RBFOX1: variants seen among roughly 807,000 people sequenced by gnomAD.
The protein encoded by RBFOX1 is RNA binding fox-1 homolog 1, also known as RNA binding protein fox-1 homolog 1.
Under a neutral mutation model 57.7 loss-of-function variants are expected in RBFOX1, and 8 were observed. The ratio of observed to expected loss-of-function variants is 0.14; its 90% CI spans 0.08 to 0.25. The LOEUF (loss-of-function observed/expected upper bound fraction) is 0.25, where lower values mean the gene tolerates loss of function less well. Ranked by LOEUF, RBFOX1 falls within the 10% of genes least tolerant of loss-of-function variation. RBFOX1 has a pLI of 1.00. For synonymous variants in RBFOX1, 326 were observed against 222.4 expected (o/e 1.47, Z -4.15); for missense variants, 611 against 548.5 (o/e 1.11, Z -1.14).
At chr16:6,970,525 T>A (rs950761834) in intron 3 of RBFOX1, among the ~76,000 whole-genome samples, 1 of 152,112 alleles carries the variant, frequency 6.6e-6, no homozygotes, top group Non-Finnish European at 1.5e-5. Context: ...ATCAGTAGAT[T>A]CAGTGTCCGG....
intron 1 of RBFOX1, among the ~76,000 whole-genome samples, chr16:6,225,274 G>C (rs941238119): frequency 6.6e-6 from 1 of 152,032 alleles, no homozygotes; most frequent in Non-Finnish European, 1.5e-5. Context: ...TGAAAGCTTG[G>C]TATCAAAAGC....
chr16:7,576,467 A>G (rs1256137022), intron 5 of RBFOX1, among the ~76,000 whole-genome samples: 8 of 152,078 alleles, frequency 5.3e-5, no homozygotes, highest in African/African-American at 7.2e-5. Flanking sequence ...TACACCCACA[A>G]TGACCTGAAA....
At chr16:6,022,002 A>G (rs2095089369) in intron 1 of RBFOX1, among the ~76,000 whole-genome samples, 1 of 152,158 alleles carries the variant, frequency 6.6e-6, no homozygotes, top group Admixed American at 6.5e-5. Flanking sequence ...GGCTTGCCTT[A>G]TACACACACG....
At chr16:5,395,243 C>T (rs1435777051) in intron 1 of RBFOX1, among the ~76,000 whole-genome samples, 1 of 152,232 alleles carries the variant, frequency 6.6e-6, no homozygotes, top group Non-Finnish European at 1.5e-5. Flanking sequence ...CTAACTCTTC[C>T]TTGAAGGCCA....
intron 7 of RBFOX1, among the ~76,000 whole-genome samples, chr16:7,589,031 T>C (rs1381003621): frequency 3.9e-5 from 6 of 152,210 alleles, no homozygotes; most frequent in African/African-American, 1.4e-4. Context: ...CGAACTTAAG[T>C]CTCTTCCTGC....
intron 4 of RBFOX1, among the ~76,000 whole-genome samples, chr16:7,079,631 C>T (rs374164754): frequency 2.6e-5 from 4 of 152,000 alleles, no homozygotes; most frequent in African/African-American, 4.8e-5. Context: ...AAGCCTTTTG[C>T]GTTATGATGG....
chr16:5,710,656 G>T lies in RBFOX1; in HGVS notation c.318+111695G>T, dbSNP rs75845995. 0.013 allele frequency among the ~76,000 whole-genome samples: 2,036 copies of T among 152,306 alleles called. 108 individuals carry two copies. The East Asian group carries it at 0.17, about 12-fold the overall frequency. On this transcript the variant is annotated intron_variant, in intron 3 of 19. Transcript: ENST00000641259. ...ATGTTTTAAAGAATTGCGTGCAGTGGAGTGAGTGAAGGAATTTGGGGTTAA... is the reference window on the plus strand; with the variant it reads ...ATGTTTTAAAGAATTGCGTGCAGTGTAGTGAGTGAAGGAATTTGGGGTTAA...
intron 3 of RBFOX1, among the ~76,000 whole-genome samples, chr16:6,844,522 T>A (rs2093657806): frequency 6.6e-6 from 1 of 152,214 alleles, no homozygotes; most frequent in African/African-American, 2.4e-5. Context: ...CTTATTCTTT[T>A]TTATGGCTGC....
At chr16:7,057,695 C>T (rs1290053737) in intron 4 of RBFOX1, among the ~76,000 whole-genome samples, 1 of 152,140 alleles carries the variant, frequency 6.6e-6, no homozygotes, top group Non-Finnish European at 1.5e-5. Flanking sequence ...GGAAAAGGAG[C>T]CATTGCTAGC....
At chr16:6,788,799 C>A (rs922150939) in intron 3 of RBFOX1, among the ~76,000 whole-genome samples, 1 of 152,122 alleles carries the variant, frequency 6.6e-6, no homozygotes, top group Middle Eastern at 3.4e-3. Flanking sequence ...CTGAGGATGC[C>A]TCTGTGATGT....
At chr16:5,579,773 T>C (rs78581564) in intron 2 of RBFOX1, among the ~76,000 whole-genome samples, 1 of 151,512 alleles carries the variant, frequency 6.6e-6, no homozygotes, top group African/African-American at 2.4e-5. Flanking sequence ...TTTTTTTTTT[T>C]CCTTGAGAAG....
intron 3 of RBFOX1, among the ~76,000 whole-genome samples, chr16:6,666,037 A>G (rs2098730573): frequency 6.6e-6 from 1 of 152,158 alleles, no homozygotes; most frequent in African/African-American, 2.4e-5. Context: ...TGATGGTTTT[A>G]TAAGAGGAAA....
chr16:7,290,086 A>G (rs1467174601), intron 4 of RBFOX1, among the ~76,000 whole-genome samples: 7 of 152,234 alleles, frequency 4.6e-5, no homozygotes, highest in Non-Finnish European at 1.0e-4. Context: ...ATACCTACGT[A>G]CATTTACACC....
At chr16:6,065,102 A>C (rs1373835659) in intron 1 of RBFOX1, among the ~76,000 whole-genome samples, 1 of 149,882 alleles carries the variant, frequency 6.7e-6, no homozygotes, top group Non-Finnish European at 1.5e-5. Flanking sequence ...ATCCTGGCTT[A>C]CTGCAGCCTT....
At chr16:6,693,411 A>G (rs1018833382) in intron 3 of RBFOX1, among the ~76,000 whole-genome samples, 4 of 150,574 alleles carry the variant, frequency 2.7e-5, no homozygotes, top group Admixed American at 6.6e-5. Context: ...ATCCACTACC[A>G]TCACCACTAT....
chr16:5,461,715 A>G (rs2068793216), intron 1 of RBFOX1, among the ~76,000 whole-genome samples: 1 of 152,126 alleles, frequency 6.6e-6, no homozygotes, highest in South Asian at 2.1e-4. Flanking sequence ...ACCTAATGAA[A>G]CAGTGTAGTG....
At chr16:6,580,384 G>T (rs2097520100) in intron 2 of RBFOX1, among the ~76,000 whole-genome samples, 1 of 152,158 alleles carries the variant, frequency 6.6e-6, no homozygotes, top group Non-Finnish European at 1.5e-5. Context: ...CAATTATCTG[G>T]AGAGGAGCAC....
At chr16:7,464,968 A>T (rs992969368) in intron 4 of RBFOX1, among the ~76,000 whole-genome samples, 21 of 151,516 alleles carry the variant, frequency 1.4e-4, no homozygotes, top group Non-Finnish European at 3.1e-4. Flanking sequence ...AAGTGCTGCG[A>T]TTACAGGGAT....
At chr16:7,292,638 C>G (rs2095814750) in intron 4 of RBFOX1, among the ~76,000 whole-genome samples, 1 of 151,246 alleles carries the variant, frequency 6.6e-6, no homozygotes, top group African/African-American at 2.4e-5. Flanking sequence ...GAAGTGATGC[C>G]AAGCGAGAGT....
Sources: allele counts gnomAD v4.1 joint callset (sites outside exome capture counted in the v4.1 genomes callset), GRCh38; gene constraint gnomAD v4.1.1; transcripts MANE v1.5; gene names NCBI Gene and HGNC (gene_info 2026-07-23, HGNC 2026-07-21).